CDC5L: variants seen among roughly 807,000 people sequenced by gnomAD.
CDC5L encodes cell division cycle 5 like.
Under a neutral mutation model 104.1 loss-of-function variants are expected in CDC5L, and 18 were observed. The observed-to-expected ratio is 0.17, with a 90% confidence interval of 0.12 to 0.26. CDC5L has a LOEUF of 0.26. Among genes scored for constraint, CDC5L ranks in the 10% least tolerant of loss-of-function variants. The probability of loss-of-function intolerance (pLI) is 1.00; values close to 1 mark genes in which losing one functional copy is unlikely to be tolerated. For synonymous variants in CDC5L, 331 were observed against 322.7 expected (o/e 1.03, Z -0.28); for missense variants, 673 against 956.9 (o/e 0.70, Z 3.91).
At chr6:44,422,957 T>A in intron 10 of CDC5L, 148 bp downstream of exon 10, 1 of 453,896 alleles carries the variant, frequency 2.2e-6, no homozygotes, top group Non-Finnish European at 3.8e-6. Context: ...TTTGTAAGAC[T>A]TGATGAAAGG....
At chr6:44,401,810 C>A (rs1372641602) in intron 5 of CDC5L, among the ~76,000 whole-genome samples, 1 of 151,060 alleles carries the variant, frequency 6.6e-6, no homozygotes, top group Non-Finnish European at 1.5e-5. Flanking sequence ...CCCTCTCCCC[C>A]CACCCCACAA....
intron 4 of CDC5L, among the ~76,000 whole-genome samples, chr6:44,395,915 T>C (rs964665250): frequency 3.3e-5 from 5 of 152,226 alleles, no homozygotes; most frequent in African/African-American, 9.6e-5. Flanking sequence ...TGTTCTCTCA[T>C]AATTAAATAG....
Position 44,426,722 on chromosome 6 carries a change from A to G in CDC5L, c.1891A>G (p.Lys631Glu), listed in dbSNP as rs754781297. 1 of 1,612,338 alleles carries G rather than the reference A, an allele frequency of 6.2e-7. No homozygotes were observed. The highest frequency in any genetic ancestry group is 1.3e-5 in the African/African-American group (1 of 74,954). The change falls in exon 13 of 16, where the codon AAG (lysine) becomes GAG (glutamate). Residue 631 changes from lysine (K) to glutamate (E), a missense_variant and splice_region_variant. Physicochemically the swap from Lys to Glu is moderately conservative, Grantham distance 56 (BLOSUM62 1). Transcript: ENST00000371477. ...YEKFSKEELKKAQDVLVQEME... is the reference protein window; with the variant it reads ...YEKFSKEELKEAQDVLVQEME... ...AAAGTTCTCCAAAGAAGAGCTGAAA[A>G]AGGTATGATTGAGCTGGAATATTTC...
intron 4 of CDC5L, among the ~76,000 whole-genome samples, chr6:44,394,080 A>T (rs1362295232): frequency 6.6e-6 from 1 of 152,100 alleles, no homozygotes; most frequent in African/African-American, 2.4e-5. Context: ...CTGTTTCTTC[A>T]ATTCAGTTAA....
chr6:44,429,101 A>G (rs1426304439), intron 13 of CDC5L, among the ~76,000 whole-genome samples: 1 of 140,776 alleles, frequency 7.1e-6, no homozygotes, highest in African/African-American at 2.7e-5. Flanking sequence ...AGCTCACTGC[A>G]GCCTCCACCT....
In CDC5L at chr6:44,406,339, G is replaced by A. The variant is rs534942880; in HGVS notation, c.775G>A (p.Asp259Asn). 6 of 1,604,852 alleles carry A rather than the reference G, an allele frequency of 3.7e-6. No homozygotes were observed. The African/African-American group carries it at 4.0e-5, about 11-fold the overall frequency. The change falls in exon 7 of 16, where the codon GAT becomes AAT. Residue 259 changes from aspartate to asparagine, a missense_variant. Coordinates refer to ENST00000371477, the MANE Select transcript of CDC5L (RefSeq NM_001253.4). ...GELRSEKEGR[D>N]RKKDKQHLKR... ...CCATGACAGTGAAAAAGAAGGAAGAGATAGAAAAAAAGACAAACAGCATTT... is the reference window on the plus strand; with the variant it reads ...CCATGACAGTGAAAAAGAAGGAAGAAATAGAAAAAAAGACAAACAGCATTT...
At chr6:44,422,841 AT>A (rs753527190) in intron 10 of CDC5L, 32 bp downstream of exon 10, 298 of 1,496,100 alleles carry the variant, frequency 2.0e-4, no homozygotes, top group South Asian at 2.9e-4. Flanking sequence ...ATACTCTTAA[AT>A]TTTTTTTTAA....
intron 14 of CDC5L, among the ~76,000 whole-genome samples, chr6:44,436,518 C>T (rs1431332229): frequency 6.6e-6 from 1 of 152,156 alleles, no homozygotes; most frequent in Admixed American, 6.5e-5. Flanking sequence ...TATTTCACTA[C>T]ATTGATGTTT....
intron 14 of CDC5L, among the ~76,000 whole-genome samples, chr6:44,438,775 A>G (rs1581661794): frequency 6.7e-6 from 1 of 148,442 alleles, no homozygotes; most frequent in Non-Finnish European, 1.5e-5. Flanking sequence ...TGCATTTTGT[A>G]TCCAGAAGAA....
intron 12 of CDC5L, 32 bp from the exon 13 acceptor site, chr6:44,426,450 G>A (rs766759473): frequency 3.3e-6 from 4 of 1,194,954 alleles, no homozygotes; most frequent in East Asian, 2.3e-5. Flanking sequence ...ATAGTGATAT[G>A]TTTGGTAATT....
At chr6:44,415,278 T>C (rs1168780026) in intron 8 of CDC5L, among the ~76,000 whole-genome samples, 1 of 152,232 alleles carries the variant, frequency 6.6e-6, no homozygotes, top group African/African-American at 2.4e-5. Context: ...GTAGTTATTT[T>C]GAAAAAGCAC....
intron 8 of CDC5L, among the ~76,000 whole-genome samples, chr6:44,410,354 C>T (rs1325535670): frequency 2.6e-5 from 4 of 152,134 alleles, no homozygotes; most frequent in African/African-American, 9.7e-5. Context: ...GATGTAATGT[C>T]CTTCAGTTTC....
chr6:44,404,152 A>AT (rs553652669), intron 6 of CDC5L, 125 bp downstream of exon 6: 2,458 of 562,478 alleles, frequency 4.4e-3, no homozygotes, highest in Middle Eastern at 5.9e-3. Flanking sequence ...TTTAAAATCA[A>AT]TTTTTTTTTT....
At position 44,393,435 on chromosome 6, in the gene CDC5L, C is replaced by CT; in HGVS notation, c.312-5dup. ...CTGTAGTGTGACTAACTCCTATGGG[C>CT]TTTTTTCTAGGGATAAAGCTGCCCA... On this transcript the variant is annotated splice_polypyrimidine_tract_variant and intron_variant, in intron 3 of 15. Transcript: ENST00000371477. 1.9e-6 allele frequency: 3 copies of CT among 1,612,284 alleles called. No individual in the cohort carries two copies. The highest frequency in any genetic ancestry group is 1.7e-4 in the Middle Eastern group (1 of 6,052).
chr6:44,427,540 A>G (rs1035595076), intron 13 of CDC5L, among the ~76,000 whole-genome samples: 7 of 152,152 alleles, frequency 4.6e-5, no homozygotes, highest in African/African-American at 1.4e-4. Flanking sequence ...GCTTTTCACA[A>G]TTTCTTACTT....
intron 5 of CDC5L, among the ~76,000 whole-genome samples, chr6:44,398,205 G>A (rs1244367655): frequency 6.6e-6 from 1 of 152,082 alleles, no homozygotes; most frequent in African/African-American, 2.4e-5. Context: ...ACCAAGAGGA[G>A]GTACTAACTT....
chr6:44,403,342 A>C (rs918739193), intron 5 of CDC5L, among the ~76,000 whole-genome samples: 4 of 151,972 alleles, frequency 2.6e-5, no homozygotes, highest in Admixed American at 6.6e-5. Flanking sequence ...AAAAAAAAAA[A>C]AAACTTTGCT....
chr6:44,414,919 T>G (rs1791842867), intron 8 of CDC5L, among the ~76,000 whole-genome samples: 1 of 152,226 alleles, frequency 6.6e-6, no homozygotes, highest in Non-Finnish European at 1.5e-5. Flanking sequence ...AGTGCTTACA[T>G]TTAGGTCTGT....
rs11572036 is a variant in CDC5L at position 44,430,511 on chromosome 6, G to A, written c.2091+601G>A. On this transcript the variant is annotated intron_variant, in intron 14 of 15. Coordinates refer to ENST00000371477, the MANE Select transcript of CDC5L (RefSeq NM_001253.4). ...TTGCATATTTTGAATTCCAGAATCTGTGTAGGCATTTTGCCAATGGCATGT... is the reference window on the plus strand; with the variant it reads ...TTGCATATTTTGAATTCCAGAATCTATGTAGGCATTTTGCCAATGGCATGT... 7.9e-3 allele frequency among the ~76,000 whole-genome samples: 1,186 copies of A among 149,656 alleles called. 21 individuals carry two copies. The highest frequency in any genetic ancestry group is 0.028 in the African/African-American group (1,131 of 40,486).
Sources: gnomAD v4.1 joint callset for allele counts (sites outside exome capture counted in the v4.1 genomes callset) on GRCh38, gnomAD v4.1.1 for gene constraint, MANE v1.5 for transcripts, NCBI Gene and HGNC (gene_info 2026-07-23, HGNC 2026-07-21) for gene names.